The following PAX3 variants were observed in gnomAD, a reference collection of about 807,000 sequenced individuals.
PAX3 encodes paired box protein Pax-3.
A neutral mutation model predicts 51.6 loss-of-function variants in PAX3; 14 were observed. The ratio of observed to expected loss-of-function variants is 0.27; its 90% confidence interval spans 0.18 to 0.42. The LOEUF (loss-of-function observed/expected upper bound fraction) is 0.42, where lower values mean the gene tolerates loss of function less well. Ranked by LOEUF, PAX3 falls within the 10% of genes least tolerant of loss-of-function variation. The pLI is 1.00. For synonymous variants in PAX3, 280 were observed against 253.4 expected (o/e 1.11, Z -1.00); for missense variants, 540 against 642.8 (o/e 0.84, Z 1.73).
chr2:222,201,096 A>G lies in PAX3; in HGVS notation c.*312T>C, dbSNP rs987819609. 1 of 1,467,976 alleles carries G rather than the reference A, an allele frequency of 6.8e-7. No individual in the cohort carries two copies. Among genetic ancestry groups the G allele is most frequent in the Non-Finnish European group, 9.5e-7 (1 of 1,052,338 alleles). The allele number at this position is 1,467,976 out of a possible 1,614,324, so 90.9% of individuals were successfully genotyped here. On this transcript the variant is annotated 3_prime_UTR_variant, in exon 9 of 9. Transcript: ENST00000392070. ...GCAAATGGAATGTTCTAGCTCCTCGATGATCAGCACTAAAGAATTGGGATG... is the reference window on the plus strand; with the variant it reads ...GCAAATGGAATGTTCTAGCTCCTCGGTGATCAGCACTAAAGAATTGGGATG...
chr2:222,215,461 C>G (rs1307576201), intron 7 of PAX3, among the ~76,000 whole-genome samples: 1 of 151,688 alleles, frequency 6.6e-6, no homozygotes, highest in East Asian at 1.9e-4. Flanking sequence ...AAACTGTTAC[C>G]AAAGAACTGT....
At chr2:222,251,136 G>C (rs1474475747) in intron 4 of PAX3, among the ~76,000 whole-genome samples, 2 of 151,382 alleles carry the variant, frequency 1.3e-5, no homozygotes, top group Admixed American at 1.3e-4. Context: ...TAAGTTTTAG[G>C]GTACATGTGC....
At chr2:222,264,733 C>T (rs1693982817) in intron 4 of PAX3, 1 of 152,220 alleles carries the variant, frequency 6.6e-6, no homozygotes, top group Non-Finnish European at 1.5e-5. Flanking sequence ...GGACTTTCCA[C>T]TTCAGTGCAT....
chr2:222,250,449 T>G (rs1157212392), intron 4 of PAX3, among the ~76,000 whole-genome samples: 1 of 152,084 alleles, frequency 6.6e-6, no homozygotes, highest in Non-Finnish European at 1.5e-5. Context: ...CACTAAAAAT[T>G]CTATGCATGT....
chr2:222,237,126 C>A (rs951172638), intron 4 of PAX3, among the ~76,000 whole-genome samples: 2 of 152,170 alleles, frequency 1.3e-5, no homozygotes, highest in East Asian at 1.9e-4. Flanking sequence ...TCCCTTCCCC[C>A]CTAACTTCAC....
intron 4 of PAX3, among the ~76,000 whole-genome samples, chr2:222,281,312 T>G (rs1281639347): frequency 2.0e-5 from 3 of 152,256 alleles, no homozygotes; most frequent in Non-Finnish European, 4.4e-5. Flanking sequence ...TCCCATCTAC[T>G]TGGGAATCAC....
chr2:222,228,861 C>T (rs1270201491), intron 5 of PAX3, among the ~76,000 whole-genome samples: 1 of 152,106 alleles, frequency 6.6e-6, no homozygotes, highest in Non-Finnish European at 1.5e-5. Flanking sequence ...ATCACTTGAG[C>T]TTGGAAGATC....
At chr2:222,286,287 C>A (rs190439811) in intron 4 of PAX3, among the ~76,000 whole-genome samples, 2 of 152,204 alleles carry the variant, frequency 1.3e-5, no homozygotes, top group South Asian at 2.1e-4. Context: ...GTCCAAGATG[C>A]GTGGGGAATT....
chr2:222,298,519 G>A lies in PAX3; in HGVS notation c.85+12C>T, dbSNP rs771417793. On this transcript the variant is annotated intron_variant, in intron 1 of 8. Coordinates refer to ENST00000392070, the MANE Select transcript of PAX3 (RefSeq NM_181458.4). ...CCTGGGATCCAGGCGGCGCGCTGAG[G>A]CCCTCCCTTACCTTCCAGCGGGAAC... 1 of 1,593,860 alleles carries A rather than the reference G, an allele frequency of 6.3e-7. No individual in the cohort carries two copies. Among genetic ancestry groups the A allele is most frequent in the South Asian group, 1.1e-5 (1 of 88,272 alleles).
chr2:222,262,548 A>C (rs1388819557), intron 4 of PAX3: 2 of 151,974 alleles, frequency 1.3e-5, no homozygotes, highest in African/African-American at 4.8e-5. Context: ...TTGATTTCTA[A>C]AACTCTTTAA....
chr2:222,253,639 T>G (rs1459819637), intron 4 of PAX3, among the ~76,000 whole-genome samples: 2 of 152,064 alleles, frequency 1.3e-5, no homozygotes, highest in East Asian at 3.9e-4. Flanking sequence ...TTTTCTTTTT[T>G]TTTTTTCTTT....
chr2:222,293,682 G>T (rs771118806), intron 4 of PAX3: 1 of 1,614,144 alleles, frequency 6.2e-7, no homozygotes, highest in Admixed American at 1.7e-5. Context: ...GGGCAATTTT[G>T]GAGGGCCGTT....
chr2:222,231,515 A>G (rs1692594110), intron 5 of PAX3, among the ~76,000 whole-genome samples: 1 of 152,238 alleles, frequency 6.6e-6, no homozygotes, highest in Non-Finnish European at 1.5e-5. Context: ...TAATTATAAA[A>G]TCGTTAAATG....
intron 4 of PAX3, among the ~76,000 whole-genome samples, chr2:222,253,124 G>A (rs1434197316): frequency 6.6e-6 from 1 of 152,174 alleles, no homozygotes; most frequent in African/African-American, 2.4e-5. Context: ...GAAGCAGCAT[G>A]AAAGAAAGAA....
rs777273543 is a variant in PAX3 at position 222,297,199 on chromosome 2, C to A, written c.100G>T (p.Gly34Cys). The A allele has an allele frequency of 9.5e-6, 15 of 1,582,986 alleles. No homozygotes were observed. The highest frequency in any genetic ancestry group is 2.7e-5 in the African/African-American group (2 of 74,104). Reference sequence around the variant, plus strand: ...CCGAGCTGGTTGACGCGGCCCTGGCCGAGGGGAGTGGACACTGTGGGAAGG... The same window carrying A: ...CCGAGCTGGTTGACGCGGCCCTGGCAGAGGGGAGTGGACACTGTGGGAAGG... ...GFPLEVSTPLGQGRVNQLGGV... is the reference protein window; with the variant it reads ...GFPLEVSTPLCQGRVNQLGGV... The change falls in exon 2 of 9, where the codon GGC (glycine) becomes TGC (cysteine). Residue 34 changes from glycine to cysteine, a missense_variant. This residue lies in a region of PAX3 where 63 missense variants were observed against 49.9 expected (regional missense o/e 1.26). Transcript: ENST00000392070.
At chr2:222,215,274 T>C (rs1205203894) in intron 7 of PAX3, among the ~76,000 whole-genome samples, 7 of 152,158 alleles carry the variant, frequency 4.6e-5, no homozygotes, top group Non-Finnish European at 1.0e-4. Context: ...GAAAAGTGCT[T>C]GGCAAAAATG....
intron 4 of PAX3, among the ~76,000 whole-genome samples, chr2:222,285,951 T>C (rs1694819423): frequency 6.6e-6 from 1 of 152,224 alleles, no homozygotes; most frequent in Non-Finnish European, 1.5e-5. Flanking sequence ...CTATTTTTTT[T>C]TCCTGAAACG....
Position 222,212,416 on chromosome 2 carries a change from G to A in PAX3, c.1173+7724C>T, listed in dbSNP as rs527795345. Among the ~76,000 whole-genome samples, 90 of 152,180 alleles carry A rather than the reference G, an allele frequency of 5.9e-4. 2 individuals carry two copies. The South Asian group carries it at 0.013, about 21-fold the overall frequency. On this transcript the variant is annotated intron_variant, in intron 7 of 8. Transcript: ENST00000392070. Reference sequence around the variant, plus strand: ...TGTAGACACGTTACCCCATTATTCTGCAAAATGTACTGTCCCCAAACGTCT... The same window carrying A: ...TGTAGACACGTTACCCCATTATTCTACAAAATGTACTGTCCCCAAACGTCT...
chr2:222,209,265 G>A (rs1387257536), intron 7 of PAX3, among the ~76,000 whole-genome samples: 1 of 152,152 alleles, frequency 6.6e-6, no homozygotes, highest in African/African-American at 2.4e-5. Context: ...GCTGCCTAAA[G>A]TCAATAGCAT....
Sources: gnomAD v4.1 joint callset for allele counts (sites outside exome capture counted in the v4.1 genomes callset) on GRCh38, gnomAD v4.1.1 for gene constraint, gnomAD v4.1.1 regional missense constraint, MANE v1.5 for transcripts, NCBI Gene and HGNC (gene_info 2026-07-23, HGNC 2026-07-21) for gene names.